FAM193A: variants seen among roughly 807,000 people sequenced by gnomAD.
FAM193A encodes family with sequence similarity 193 member A.
Under a neutral mutation model 126.5 loss-of-function variants are expected in FAM193A, and 22 were observed. That is an observed-to-expected ratio of 0.17 (90% CI 0.12 to 0.25). The LOEUF is 0.25. Among genes scored for constraint, FAM193A ranks in the 10% least tolerant of loss-of-function variants. The probability of loss-of-function intolerance (pLI) is 1.00; values close to 1 mark genes in which losing one functional copy is unlikely to be tolerated. For synonymous variants in FAM193A, 761 were observed against 646.8 expected (o/e 1.18, Z -2.68); for missense variants, 1,675 against 1,672.8 (o/e 1.00, Z -0.02).
intron 6 of FAM193A, among the ~76,000 whole-genome samples, chr4:2,640,619 C>T (rs1190425939): frequency 6.6e-6 from 1 of 152,188 alleles, no homozygotes; most frequent in Non-Finnish European, 1.5e-5. Flanking sequence ...CATGTGAGCA[C>T]ATTCCCATAA....
At chr4:2,553,011 T>C (rs2108824367) in intron 1 of FAM193A, among the ~76,000 whole-genome samples, 1 of 151,652 alleles carries the variant, frequency 6.6e-6, no homozygotes, top group African/African-American at 2.4e-5. Flanking sequence ...CCATGCTCAG[T>C]TAATTTTTTG....
chr4:2,568,972 G>GTTTTTT (rs1491547953), intron 1 of FAM193A, among the ~76,000 whole-genome samples: 1 of 68,706 alleles, frequency 1.5e-5, no homozygotes, highest in Non-Finnish European at 3.0e-5. Flanking sequence ...TTGTTGTTTT[G>GTTTTTT]CTTTTTTTTT....
chr4:2,599,560 C>G (rs1741072346), intron 2 of FAM193A, among the ~76,000 whole-genome samples: 1 of 152,218 alleles, frequency 6.6e-6, no homozygotes, highest in Admixed American at 6.5e-5. Context: ...ATCTTAACAT[C>G]TTGCCTGACA....
Position 2,589,275 on chromosome 4 carries a change from C to T in FAM193A, c.256-6809C>T, listed in dbSNP as rs544988230. 4.9e-4 allele frequency among the ~76,000 whole-genome samples: 74 copies of T among 152,298 alleles called. 1 individual carries two copies. The highest frequency in any genetic ancestry group is 1.7e-3 in the African/African-American group (69 of 41,554). On this transcript the variant is annotated intron_variant, in intron 1 of 20. Transcript: ENST00000637812. ...CTATGCCTTCATTAATGCCTTAAAA[C>T]CATCTTATTTACATCTGTAGAACCA...
intron 1 of FAM193A, among the ~76,000 whole-genome samples, chr4:2,571,586 G>A (rs1233739725): frequency 6.6e-6 from 1 of 151,902 alleles, no homozygotes; most frequent in African/African-American, 2.4e-5. Context: ...TGTCCTCCAG[G>A]CTGGAGTGCA....
At chr4:2,686,533 T>G (rs1715759937) in intron 13 of FAM193A, among the ~76,000 whole-genome samples, 1 of 152,084 alleles carries the variant, frequency 6.6e-6, no homozygotes, top group South Asian at 2.1e-4. Flanking sequence ...GAGAAAATTT[T>G]AAATGAGCCC....
Position 2,689,610 on chromosome 4 carries a change from G to A in FAM193A, c.2436G>A (p.Glu812=). ...IYPSCFGNTP[E]WNSSKFISLW... Reference sequence around the variant, plus strand: ...CGAGCTGTTTTGGGAATACTCCAGAGTGGAATAGTTCTAAATTTATAAGTC... The same window carrying A: ...CGAGCTGTTTTGGGAATACTCCAGAATGGAATAGTTCTAAATTTATAAGTC... The change falls in exon 14 of 21, where the codon GAG becomes GAA. Residue 812 remains glutamate, a synonymous_variant. Transcript: ENST00000637812. 1 of 1,569,642 alleles carries A rather than the reference G, an allele frequency of 6.4e-7. No individual in the cohort carries two copies. The highest frequency in any genetic ancestry group is 8.6e-7 in the Non-Finnish European group (1 of 1,164,046).
rs1214252292 is a variant in FAM193A at position 2,731,889 on chromosome 4, G to A, written c.*21G>A. 3 of 1,577,104 alleles carry A rather than the reference G, an allele frequency of 1.9e-6. No individual in the cohort carries two copies. Among genetic ancestry groups the A allele is most frequent in the East Asian group, 2.2e-5 (1 of 44,694 alleles). On this transcript the variant is annotated 3_prime_UTR_variant, in exon 21 of 21. Coordinates refer to ENST00000637812, the MANE Select transcript of FAM193A (RefSeq NM_001366318.2). ...ACTGAATGAGGACTCCCTGGAGAGG[G>A]ACACGCGAGAGGCAGGCCAGGCTGC...
rs1409327585 is a variant in FAM193A at position 2,690,761 on chromosome 4, G to A, written c.2594G>A (p.Ser865Asn). The A allele has an allele frequency of 6.2e-7, 1 of 1,613,996 alleles. No individual in the cohort carries two copies. The highest frequency in any genetic ancestry group is 1.7e-5 in the Admixed American group (1 of 60,026). ...CCGGAAGCCCTTCCACCTCCATCTAGCAATGAAACACCTGCAGTCTCGGAT... is the reference window on the plus strand; with the variant it reads ...CCGGAAGCCCTTCCACCTCCATCTAACAATGAAACACCTGCAGTCTCGGAT... Reference protein sequence around the residue: ...TRPEALPPPSSNETPAVSDSK... With the variant: ...TRPEALPPPSNNETPAVSDSK... The change falls in exon 15 of 21, where the codon AGC becomes AAC. Residue 865 changes from serine (S) to asparagine (N), a missense_variant. Physicochemically the swap from Ser to Asn is conservative, Grantham distance 46 (BLOSUM62 1). Transcript: ENST00000637812.
intron 1 of FAM193A, among the ~76,000 whole-genome samples, chr4:2,591,137 A>G (rs1276784870): frequency 6.6e-6 from 1 of 152,044 alleles, no homozygotes; most frequent in Non-Finnish European, 1.5e-5. Context: ...AAAAGTTACC[A>G]TAGTGGGGTT....
chr4:2,602,999 C>T (rs183284660), intron 2 of FAM193A, among the ~76,000 whole-genome samples: 2,832 of 105,574 alleles, frequency 0.027, 52 homozygotes, highest in Non-Finnish European at 0.04. Context: ...GACGAAGTCT[C>T]GCTCTATTGC....
At chr4:2,730,427 A>T (rs1411049299) in intron 20 of FAM193A, among the ~76,000 whole-genome samples, 1 of 152,220 alleles carries the variant, frequency 6.6e-6, no homozygotes, top group African/African-American at 2.4e-5. Context: ...GCGGTGGCTC[A>T]CGACTGTAAT....
In FAM193A at chr4:2,672,224, A is replaced by G; in HGVS notation, c.2183A>G (p.Gln728Arg). The change falls in exon 13 of 21, where the codon CAG (glutamine) becomes CGG (arginine). Residue 728 changes from glutamine to arginine, a missense_variant. Gln to Arg is a conservative substitution (Grantham distance 43). This residue lies in a region of FAM193A where 1,186 missense variants were observed against 1,109.2 expected (regional missense o/e 1.07). Coordinates refer to ENST00000637812, the MANE Select transcript of FAM193A (RefSeq NM_001366318.2). Reference protein sequence around the residue: ...MTAGALPPGHQFLSPEKPTHP... With the variant: ...MTAGALPPGHRFLSPEKPTHP... ...GCCGGAGCCCTTCCTCCTGGCCATC[A>G]GTTCTTGAGCCCAGAGAAGCCCACA... 3 of 1,614,198 alleles carry G rather than the reference A, an allele frequency of 1.9e-6. No homozygotes were observed. Among genetic ancestry groups the G allele is most frequent in the Non-Finnish European group, 1.7e-6 (2 of 1,180,030 alleles).
At chr4:2,661,554 C>T (rs1039667527) in intron 10 of FAM193A, among the ~76,000 whole-genome samples, 2 of 152,296 alleles carry the variant, frequency 1.3e-5, no homozygotes, top group South Asian at 2.1e-4. Flanking sequence ...AGTGGGCCTG[C>T]AGGAAGCCCT....
intron 13 of FAM193A, among the ~76,000 whole-genome samples, chr4:2,677,781 C>G (rs1029964497): frequency 2.0e-5 from 3 of 151,432 alleles, no homozygotes; most frequent in African/African-American, 7.3e-5. Flanking sequence ...TATTCAGGAT[C>G]CCGTGAGATT....
Position 2,672,334 on chromosome 4 carries a change from C to T in FAM193A, c.2293C>T (p.Pro765Ser), listed in dbSNP as rs780698106. ...ACACCTGCCACGCCCTCTCATCCAC[C>T]CCACCTTGTATGCAACGCCCCCCTT... is the stretch of plus-strand genomic sequence containing the variant. The part of the protein sequence containing the change: ...VPHLPRPLIH[P>S]TLYATPPFTH... The change falls in exon 13 of 21, where the codon CCC (proline) becomes TCC (serine). Residue 765 changes from proline to serine, a missense_variant. Pro to Ser is a moderately conservative substitution (Grantham distance 74). This residue lies in a region of FAM193A where 1,186 missense variants were observed against 1,109.2 expected (regional missense o/e 1.07). Transcript: ENST00000637812. 3 of 1,614,068 alleles carry T rather than the reference C, an allele frequency of 1.9e-6. No homozygotes were observed. The highest frequency in any genetic ancestry group is 2.5e-6 in the Non-Finnish European group (3 of 1,180,034).
intron 14 of FAM193A, 129 bp downstream of exon 14, chr4:2,689,833 G>A: frequency 1.6e-6 from 1 of 630,488 alleles, no homozygotes; most frequent in Non-Finnish European, 2.7e-6. Flanking sequence ...TCTGTCTCCA[G>A]TGGGAGGCCC....
chr4:2,634,936 A>G (rs952195878), intron 5 of FAM193A, among the ~76,000 whole-genome samples: 8 of 152,036 alleles, frequency 5.3e-5, no homozygotes, highest in Non-Finnish European at 8.8e-5. Flanking sequence ...GCATTTTGCC[A>G]CTCTGACTTC....
At chr4:2,631,940 A>G (rs1208208687) in intron 5 of FAM193A, among the ~76,000 whole-genome samples, 1 of 152,162 alleles carries the variant, frequency 6.6e-6, no homozygotes, top group Non-Finnish European at 1.5e-5. Flanking sequence ...GTTTTTCATC[A>G]CTTAAACTTT....
Sources: gnomAD v4.1 joint callset for allele counts (sites outside exome capture counted in the v4.1 genomes callset) on GRCh38, gnomAD v4.1.1 for gene constraint, gnomAD v4.1.1 regional missense constraint, MANE v1.5 for transcripts, NCBI Gene and HGNC (gene_info 2026-07-23, HGNC 2026-07-21) for gene names.